The following KCNIP1 variants were observed in gnomAD, a reference collection of about 807,000 sequenced individuals.
The protein encoded by KCNIP1 is A-type potassium channel modulatory protein KCNIP1.
KCNIP1 carries 18 observed loss-of-function variants against 33.0 expected under a neutral mutation model. The ratio of observed to expected loss-of-function variants is 0.55; its 90% confidence interval spans 0.38 to 0.81. KCNIP1 has a LOEUF of 0.81. Among genes scored for constraint, KCNIP1 ranks in the 30% least tolerant of loss-of-function variants. The pLI is 0.00. For synonymous variants in KCNIP1, 93 were observed against 98.3 expected (o/e 0.95, Z 0.32); for missense variants, 238 against 271.6 (o/e 0.88, Z 0.87).
At chr5:170,420,562 C>G (rs992571950) in intron 1 of KCNIP1, 1 of 150,734 alleles carries the variant, frequency 6.6e-6, no homozygotes, top group Non-Finnish European at 1.5e-5. Context: ...AAGAATACAG[C>G]GTATAATGCA....
chr5:170,451,771 T>TGTGTGTGTGTGTG (rs1554093584), intron 1 of KCNIP1, among the ~76,000 whole-genome samples: 43 of 50,432 alleles, frequency 8.5e-4, no homozygotes, highest in South Asian at 2.4e-3. Flanking sequence ...GTGTGTGTGT[T>TGTGTGTGTGTGTG]TGCAGGGGGA....
chr5:170,723,849 G>A (rs1763916541), intron 5 of KCNIP1, among the ~76,000 whole-genome samples: 1 of 152,192 alleles, frequency 6.6e-6, no homozygotes, highest in Non-Finnish European at 1.5e-5. Flanking sequence ...GCCAGGAAAA[G>A]TGTTCCAGGC....
At chr5:170,477,086 C>G (rs969200976) in intron 1 of KCNIP1, among the ~76,000 whole-genome samples, 1 of 152,144 alleles carries the variant, frequency 6.6e-6, no homozygotes, top group Admixed American at 6.5e-5. Context: ...TCTGTACTTT[C>G]TGCTCAATTT....
In KCNIP1 at chr5:170,497,930, G is replaced by A. The variant is rs901017307; in HGVS notation, c.88+143966G>A. Reference sequence around the variant, plus strand: ...CGTGCAGGGGGAATCCTCAGGCAGCGCAGCCATCAGGACATGAAGGGCAGA... The same window carrying A: ...CGTGCAGGGGGAATCCTCAGGCAGCACAGCCATCAGGACATGAAGGGCAGA... On this transcript the variant is annotated intron_variant, in intron 1 of 7. Coordinates refer to the KCNIP1 transcript ENST00000377360. 5.9e-5 allele frequency among the ~76,000 whole-genome samples: 9 copies of A among 152,238 alleles called. 1 individual carries two copies. The highest frequency in any genetic ancestry group is 2.2e-4 in the African/African-American group (9 of 41,462).
chr5:170,710,359 G>T (rs143481804), intron 1 of KCNIP1, among the ~76,000 whole-genome samples: 1 of 152,012 alleles, frequency 6.6e-6, no homozygotes, highest in Non-Finnish European at 1.5e-5. Flanking sequence ...CTGGTTCTCT[G>T]GTGGAATTAT....
chr5:170,588,785 A>AG (rs1200094894), intron 1 of KCNIP1, among the ~76,000 whole-genome samples: 2 of 152,110 alleles, frequency 1.3e-5, no homozygotes, highest in African/African-American at 4.8e-5. Flanking sequence ...AAGGTCAGTG[A>AG]GGGGGGAAAA....
intron 1 of KCNIP1, among the ~76,000 whole-genome samples, chr5:170,658,465 T>C (rs1275776410): frequency 6.6e-6 from 1 of 152,214 alleles, no homozygotes; most frequent in Non-Finnish European, 1.5e-5. Flanking sequence ...TACCTCGCAA[T>C]ACTGCCACAT....
intron 1 of KCNIP1, among the ~76,000 whole-genome samples, chr5:170,451,579 C>CAAAA (rs11365624): frequency 7.0e-6 from 1 of 143,624 alleles, no homozygotes. Flanking sequence ...CCTGAACTTG[C>CAAAA]AAAAAAAAAA....
chr5:170,656,455 AC>A (rs1181178447), intron 1 of KCNIP1, among the ~76,000 whole-genome samples: 1 of 152,212 alleles, frequency 6.6e-6, no homozygotes, highest in Non-Finnish European at 1.5e-5. Context: ...GAAGGACAGA[AC>A]CCAGAGAGAC....
chr5:170,577,069 C>T (rs1291454905), intron 1 of KCNIP1, among the ~76,000 whole-genome samples: 2 of 152,150 alleles, frequency 1.3e-5, no homozygotes, highest in Non-Finnish European at 2.9e-5. Context: ...ATGTCTTTCC[C>T]AAGAGGGTGA....
chr5:170,520,464 A>G (rs1755320598), intron 1 of KCNIP1, among the ~76,000 whole-genome samples: 1 of 152,162 alleles, frequency 6.6e-6, no homozygotes, highest in Non-Finnish European at 1.5e-5. Flanking sequence ...GGTAGACTGA[A>G]TCCCAGTTCT....
intron 1 of KCNIP1, among the ~76,000 whole-genome samples, chr5:170,566,570 C>T (rs543273902): frequency 2.6e-4 from 40 of 152,300 alleles, no homozygotes; most frequent in African/African-American, 9.1e-4. Flanking sequence ...ACCATGCCAC[C>T]ACATGTCCCT....
chr5:170,606,389 C>G (rs1205736045), intron 1 of KCNIP1, among the ~76,000 whole-genome samples: 1 of 152,190 alleles, frequency 6.6e-6, no homozygotes, highest in East Asian at 1.9e-4. Context: ...TCAGTTTCCC[C>G]ACATCCTCAT....
chr5:170,392,330 A>G (rs1754623259), intron 1 of KCNIP1, among the ~76,000 whole-genome samples: 1 of 152,144 alleles, frequency 6.6e-6, no homozygotes, highest in Admixed American at 6.5e-5. Flanking sequence ...GAGCCACAAA[A>G]TCCACGAGAA....
chr5:170,667,567 C>G (rs137898308), intron 1 of KCNIP1, among the ~76,000 whole-genome samples: 48 of 152,272 alleles, frequency 3.2e-4, no homozygotes, highest in African/African-American at 1.1e-3. Context: ...TCCTGGGGCT[C>G]TAGCTGAAGA....
chr5:170,501,646 T>C (rs1020720513), upstream of KCNIP1, among the ~76,000 whole-genome samples: 2 of 152,202 alleles, frequency 1.3e-5, no homozygotes, highest in African/African-American at 4.8e-5. Context: ...TTTTGTGACC[T>C]CTCAAGTGCT....
chr5:170,609,160 G>T (rs1759047179), intron 1 of KCNIP1, among the ~76,000 whole-genome samples: 1 of 152,186 alleles, frequency 6.6e-6, no homozygotes, highest in African/African-American at 2.4e-5. Context: ...CTTCCCCAGG[G>T]TGGCTTCCTA....
At chr5:170,389,267 C>G (rs17563665) in intron 1 of KCNIP1, 17,402 of 152,262 alleles carry the variant, frequency 0.11, 1,212 homozygotes, top group Admixed American at 0.19. Flanking sequence ...ACAGTCTTCC[C>G]GGCGTCCTGT....
At chr5:170,648,233 A>C (rs1760872109) in intron 1 of KCNIP1, among the ~76,000 whole-genome samples, 1 of 152,248 alleles carries the variant, frequency 6.6e-6, no homozygotes, top group South Asian at 2.1e-4. Context: ...TTTCTTACAA[A>C]ACTAAACAGA....
Sources: allele counts gnomAD v4.1 joint callset (sites outside exome capture counted in the v4.1 genomes callset), GRCh38; gene constraint gnomAD v4.1.1; transcripts MANE v1.5; gene names NCBI Gene and HGNC (gene_info 2026-07-23, HGNC 2026-07-21).